The following CAST variants were observed in gnomAD, a reference collection of about 807,000 sequenced individuals.
CAST encodes calpastatin, also known as MIR583 host.
CAST carries 76 observed loss-of-function variants against 119.6 expected under a neutral mutation model. That is an observed-to-expected ratio of 0.64 (90% CI 0.53 to 0.77). The LOEUF (loss-of-function observed/expected upper bound fraction) is 0.77, where lower values mean the gene tolerates loss of function less well. Among genes scored for constraint, CAST ranks in the 30% least tolerant of loss-of-function variants. CAST has a pLI of 0.00. For missense variants in CAST, 953 were observed against 946.5 expected (o/e 1.01, Z -0.09); for synonymous variants, 319 against 331.6 (o/e 0.96, Z 0.41).
At chr5:96,241,458 T>G in the CAST span, among the ~76,000 whole-genome samples, 3 of 151,374 alleles carry the variant, frequency 2.0e-5, no homozygotes, top group Admixed American at 6.6e-5. Context: ...TAATCCAGTC[T>G]ATCATTGTTG....
At chr5:96,526,579 C>T (rs1359697751), upstream of CAST, among the ~76,000 whole-genome samples, 4 of 152,260 alleles carry the variant, frequency 2.6e-5, no homozygotes, top group African/African-American at 9.6e-5. Flanking sequence ...ATTTCCTTTA[C>T]TTCAATATAG....
At chr5:95,980,393 C>T in the CAST span, 1 of 152,080 alleles carries the variant, frequency 6.6e-6, no homozygotes, top group Admixed American at 6.6e-5. Context: ...GCTTTTGGTA[C>T]CCATTAGAGT....
At chr5:96,113,480 G>A in the CAST span, among the ~76,000 whole-genome samples, 1 of 152,256 alleles carries the variant, frequency 6.6e-6, no homozygotes, top group South Asian at 2.1e-4. Flanking sequence ...TATAAAGTGG[G>A]AGTCTTGCAC....
At chr5:96,383,871 G>T in the CAST span, among the ~76,000 whole-genome samples, 2 of 152,226 alleles carry the variant, frequency 1.3e-5, no homozygotes, top group Non-Finnish European at 2.9e-5. Flanking sequence ...AGATGGCAGT[G>T]TGGACCAGGA....
At chr5:96,730,023 ACAGG>A (rs199991931) in intron 8 of CAST, among the ~76,000 whole-genome samples, 1 of 148,398 alleles carries the variant, frequency 6.7e-6, no homozygotes, top group African/African-American at 2.5e-5. Flanking sequence ...TGTCTCCCAG[ACAGG>A]CAGCTTTGGA....
At chr5:96,155,499 G>A in the CAST span, among the ~76,000 whole-genome samples, 1 of 152,152 alleles carries the variant, frequency 6.6e-6, no homozygotes, top group Non-Finnish European at 1.5e-5. Context: ...CATTTGTCAG[G>A]CCTTTTTAAA....
At chr5:96,165,571 T>C in the CAST span, among the ~76,000 whole-genome samples, 2 of 152,344 alleles carry the variant, frequency 1.3e-5, no homozygotes, top group East Asian at 1.9e-4. Flanking sequence ...AGAAGGTATA[T>C]CATGCTATTT....
chr5:96,460,218 C>G, the CAST span, among the ~76,000 whole-genome samples: 1 of 151,878 alleles, frequency 6.6e-6, no homozygotes, highest in Admixed American at 6.6e-5. Context: ...ATGACATAAC[C>G]CAGAAAAAGA....
At chr5:96,335,197 C>G in the CAST span, among the ~76,000 whole-genome samples, 1 of 152,186 alleles carries the variant, frequency 6.6e-6, no homozygotes, top group Non-Finnish European at 1.5e-5. Context: ...GATGTCCTAT[C>G]TCTTCTTCTA....
At chr5:96,733,322 G>A (rs762534370) in intron 9 of CAST, among the ~76,000 whole-genome samples, 1 of 152,142 alleles carries the variant, frequency 6.6e-6, no homozygotes, top group African/African-American at 2.4e-5. Context: ...GATTAGATAC[G>A]TTAAAATAGA....
chr5:96,189,600 C>G, the CAST span, among the ~76,000 whole-genome samples: 5 of 152,122 alleles, frequency 3.3e-5, no homozygotes, highest in East Asian at 9.6e-4. Flanking sequence ...TGTTTGCTTT[C>G]TGGGACCCCT....
At chr5:96,014,423 G>T in the CAST span, among the ~76,000 whole-genome samples, 1 of 152,026 alleles carries the variant, frequency 6.6e-6, no homozygotes, top group African/African-American at 2.4e-5. Flanking sequence ...GTGATGAAAA[G>T]TATAGTATAG....
chr5:96,558,784 A>T (rs995293675), intron 1 of CAST, among the ~76,000 whole-genome samples: 6 of 152,246 alleles, frequency 3.9e-5, no homozygotes, highest in African/African-American at 1.4e-4. Flanking sequence ...AGCTATGAGG[A>T]GGAGCTAGTA....
chr5:96,059,968 G>A, the CAST span, among the ~76,000 whole-genome samples: 5 of 151,978 alleles, frequency 3.3e-5, no homozygotes, highest in Non-Finnish European at 5.9e-5. Flanking sequence ...TCTAATAAAT[G>A]AAAAAAACCA....
At chr5:96,472,929 C>T in the CAST span, among the ~76,000 whole-genome samples, 2 of 152,114 alleles carry the variant, frequency 1.3e-5, no homozygotes, top group East Asian at 3.8e-4. Flanking sequence ...GAGAAGGCTT[C>T]CTTGCCTTTT....
At chr5:96,654,850 C>G (rs1580859655) in intron 1 of CAST, among the ~76,000 whole-genome samples, 2 of 152,272 alleles carry the variant, frequency 1.3e-5, no homozygotes, top group South Asian at 4.1e-4. Flanking sequence ...ACCTTCATAG[C>G]TAGCTCAAAA....
At chr5:96,275,723 A>G in the CAST span, among the ~76,000 whole-genome samples, 1 of 152,230 alleles carries the variant, frequency 6.6e-6, no homozygotes, top group African/African-American at 2.4e-5. Flanking sequence ...TAGCCCAGCA[A>G]CAATCAAATA....
At chr5:96,057,723 G>A in the CAST span, among the ~76,000 whole-genome samples, 2 of 152,106 alleles carry the variant, frequency 1.3e-5, no homozygotes, top group African/African-American at 4.8e-5. Context: ...CTTGACAGTT[G>A]CCTTATACTC....
the CAST span, among the ~76,000 whole-genome samples, chr5:96,108,140 A>C: frequency 5.3e-5 from 8 of 151,898 alleles, 1 homozygote; most frequent in East Asian, 1.5e-3. Context: ...TTTTTTTCAA[A>C]GTTTTCAACT....
Sources: allele counts gnomAD v4.1 joint callset (sites outside exome capture counted in the v4.1 genomes callset), GRCh38; gene constraint gnomAD v4.1.1; transcripts MANE v1.5; gene names NCBI Gene and HGNC (gene_info 2026-07-23, HGNC 2026-07-21).